The following HEATR5A variants were observed in gnomAD, a reference collection of about 807,000 sequenced individuals.
HEATR5A encodes the protein HEAT repeat-containing protein 5A.
HEATR5A carries 178 observed loss-of-function variants against 218.8 expected under a neutral mutation model. The observed-to-expected ratio is 0.81, with a 90% CI of 0.72 to 0.92. The LOEUF (loss-of-function observed/expected upper bound fraction) is 0.92, where lower values mean the gene tolerates loss of function less well. Ranked by LOEUF, HEATR5A falls within the 40% of genes least tolerant of loss-of-function variation. The pLI, the probability that HEATR5A is intolerant of heterozygous loss-of-function variation, is 0.00. For missense variants in HEATR5A, 2,420 were observed against 2,418.9 expected, an observed-to-expected ratio of 1.00 and a Z score of -0.01; for synonymous variants, 864 against 871.6, an observed-to-expected ratio of 0.99 and a Z score of 0.15.
intron 13 of HEATR5A, among the ~76,000 whole-genome samples, chr14:31,369,632 A>AC (rs1901952082): frequency 2.0e-5 from 3 of 147,012 alleles, no homozygotes; most frequent in South Asian, 4.3e-4. Flanking sequence ...AAAAAAAAAA[A>AC]AAAACCCAAA....
intron 1 of HEATR5A, among the ~76,000 whole-genome samples, chr14:31,405,578 A>C (rs1419479870): frequency 6.6e-6 from 1 of 152,226 alleles, no homozygotes; most frequent in Non-Finnish European, 1.5e-5. Context: ...ACAATTAAGG[A>C]TACAGTTAAT....
rs1385436538 is a variant in HEATR5A, at chr14:31,321,656, G to A, written c.3812C>T (p.Ala1271Val). Reference sequence around the variant, plus strand: ...CATAAAAGCCATGCGAATTAAGTCAGCAAGATGCAGTACCAAAAAGTCATC... The same window carrying A: ...CATAAAAGCCATGCGAATTAAGTCAACAAGATGCAGTACCAAAAAGTCATC... ...SRNDFLVLHLADLIRMAFMAA... is the reference protein window; with the variant it reads ...SRNDFLVLHLVDLIRMAFMAA... Residue 1271 changes from alanine (A) to valine (V), a missense_variant, in exon 25 of 36, where the codon GCT (alanine) becomes GTT (valine). Ala to Val is a moderately conservative substitution (Grantham distance 64). Coordinates refer to ENST00000543095, the MANE Select transcript of HEATR5A (RefSeq NM_015473.4). 1.9e-6 allele frequency: 3 copies of A among 1,604,946 alleles called. No homozygotes were observed. The Admixed American group carries it at 5.1e-5, about 27-fold the overall frequency.
Position 31,395,199 on chromosome 14 carries a change from C to G in HEATR5A, c.597G>C (p.Lys199Asn). ...AAGTCTGCTTATTAGATCATTTTAC[C>G]TTTGCAGCAGCACAACGAACAGCCA... ...RSMAVRCAAA[K>N]CLLELQNEAI... is the part of the protein sequence containing the mutation. Residue 199 changes from lysine to asparagine, a missense_variant and splice_region_variant, in exon 5 of 36, where the codon AAG becomes AAC. Lys to Asn is a moderately conservative substitution (Grantham distance 94). Coordinates refer to ENST00000543095, the MANE Select transcript of HEATR5A (RefSeq NM_015473.4). 6.7e-7 allele frequency: 1 copy of G among 1,500,506 alleles called. No homozygotes were observed. Among genetic ancestry groups the G allele is most frequent in the Non-Finnish European group, 8.9e-7 (1 of 1,128,972 alleles). 92.9% of individuals were successfully genotyped at this position (1,500,506 alleles called of 1,614,324 possible). A position where few individuals can be genotyped will look rare whatever the true frequency, so the allele number is the denominator to read the frequency against.
chr14:31,378,005 CTT>C lies in HEATR5A; in HGVS notation c.1708+2460_1708+2461del, dbSNP rs1162877490. Among the ~76,000 whole-genome samples the C allele has an allele frequency of 5.9e-5, 9 of 152,290 alleles. No individual in the cohort carries two copies. The East Asian group carries it at 1.3e-3, about 23-fold the overall frequency. ...ACACAATTAGCTTGTTTTAAAAGCT[CTT>C]GTTTATCAAAATGCATTTATTAGGT... On this transcript the variant is annotated intron_variant, in intron 11 of 35. Coordinates refer to ENST00000543095, the MANE Select transcript of HEATR5A (RefSeq NM_015473.4).
Position 31,315,813 on chromosome 14 carries a change from G to A in HEATR5A, c.4175C>T (p.Ala1392Val). The A allele has an allele frequency of 6.2e-7, 1 of 1,612,636 alleles. No individual in the cohort carries two copies. The highest frequency in any genetic ancestry group is 8.5e-7 in the Non-Finnish European group (1 of 1,179,216). ...CACAGCTAAGATCTCCATGGTAGAA[G>A]CACTTTCATTATATAAGTGACTTAG... Reference protein sequence around the residue: ...EALSHLYNESASTMEILAVLK... With the variant: ...EALSHLYNESVSTMEILAVLK... The change falls in exon 27 of 36, where the codon GCT (alanine) becomes GTT (valine). Residue 1392 changes from alanine to valine, a missense_variant. Transcript: ENST00000543095.
intron 14 of HEATR5A, among the ~76,000 whole-genome samples, chr14:31,360,636 A>G (rs1901586453): frequency 6.6e-6 from 1 of 152,250 alleles, no homozygotes; most frequent in Non-Finnish European, 1.5e-5. Context: ...TAAATACTGC[A>G]GGAATGAGTA....
At chr14:31,367,568 A>ATT (rs1901849994) in intron 13 of HEATR5A, among the ~76,000 whole-genome samples, 2 of 82,184 alleles carry the variant, frequency 2.4e-5, no homozygotes, top group East Asian at 9.6e-4. Context: ...ATGCCCAGCT[A>ATT]ATTTTTTTTT....
intron 4 of HEATR5A, among the ~76,000 whole-genome samples, 200 bp from the exon 5 acceptor site, chr14:31,395,548 T>C (rs1049904866): frequency 2.0e-5 from 3 of 152,188 alleles, no homozygotes; most frequent in Non-Finnish European, 2.9e-5. Context: ...ATTTTCAACA[T>C]GATACAAATT....
chr14:31,373,685 G>C (rs781625186), intron 12 of HEATR5A, among the ~76,000 whole-genome samples: 1 of 152,032 alleles, frequency 6.6e-6, no homozygotes, highest in Non-Finnish European at 1.5e-5. Flanking sequence ...TTCATATACA[G>C]GTGACCCTTG....
chr14:31,400,971 C>T lies in HEATR5A; in HGVS notation c.127-459G>A, dbSNP rs192164455. On this transcript the variant is annotated intron_variant, in intron 2 of 35. Coordinates refer to ENST00000543095, the MANE Select transcript of HEATR5A (RefSeq NM_015473.4). ...TCTCCTGGCTCAGCCTCCCGAGTAG[C>T]TGGGACTACAGGCGCCCGCCACCAT... Among the ~76,000 whole-genome samples the T allele has an allele frequency of 3.8e-3, 575 of 151,946 alleles. 1 individual carries two copies. Among genetic ancestry groups the T allele is most frequent in the Middle Eastern group, 0.014 (4 of 294 alleles).
At chr14:31,372,551 A>C (rs929375583) in intron 12 of HEATR5A, among the ~76,000 whole-genome samples, 6 of 152,220 alleles carry the variant, frequency 3.9e-5, no homozygotes, top group Non-Finnish European at 7.3e-5. Flanking sequence ...AGACTGGGCC[A>C]GGCGCAGTGG....
chr14:31,399,157 T>C (rs2030774759), intron 3 of HEATR5A, among the ~76,000 whole-genome samples: 1 of 152,248 alleles, frequency 6.6e-6, no homozygotes, highest in African/African-American at 2.4e-5. Context: ...GGACATACAG[T>C]TATACTGGCA....
chr14:31,398,715 A>G lies in HEATR5A; in HGVS notation c.405T>C (p.Thr135=). The change falls in exon 4 of 36, where the codon ACT becomes ACC. Residue 135 remains threonine, a synonymous_variant. Transcript: ENST00000543095. ...CTTTAAGAATATTCCCCACTGTATC[A>G]GTAAAGGTGTTACCCAGTATTCTAC... ...KLGRILGNTF[T]DTVGNILKAM... 6.5e-7 allele frequency: 1 copy of G among 1,532,192 alleles called. No homozygotes were observed. Among genetic ancestry groups the G allele is most frequent in the Non-Finnish European group, 8.7e-7 (1 of 1,143,014 alleles). The allele number at this position is 1,532,192 out of a possible 1,614,324, so 94.9% of individuals were successfully genotyped here. A position where few individuals can be genotyped will look rare whatever the true frequency, so the allele number is the denominator to read the frequency against.
chr14:31,402,874 C>A lies in HEATR5A; in HGVS notation c.102G>T (p.Glu34Asp). Reference protein sequence around the residue: ...EFIFEWLRYLEKLLLATSRND... With the variant: ...EFIFEWLRYLDKLLLATSRND... ...CCCTGCTGGTTGCCAACAAGAGCTTCTCCAAGTATCTCAACCACTCAAAAA... is the reference window on the plus strand; with the variant it reads ...CCCTGCTGGTTGCCAACAAGAGCTTATCCAAGTATCTCAACCACTCAAAAA... Residue 34 changes from glutamate (E) to aspartate (D), a missense_variant, in exon 2 of 36, where the codon GAG (glutamate) becomes GAT (aspartate). Glu to Asp is a conservative substitution (Grantham distance 45). Transcript: ENST00000543095. 6.5e-7 allele frequency: 1 copy of A among 1,536,564 alleles called. No homozygotes were observed. The highest frequency in any genetic ancestry group is 8.7e-7 in the Non-Finnish European group (1 of 1,146,948).
chr14:31,401,385 C>T (rs186792887), intron 2 of HEATR5A, among the ~76,000 whole-genome samples: 6 of 152,282 alleles, frequency 3.9e-5, no homozygotes, highest in East Asian at 1.9e-4. Context: ...ACTTTCCCTT[C>T]GCCTTCTCCC....
chr14:31,305,678 T>C (rs1377569647), intron 31 of HEATR5A, among the ~76,000 whole-genome samples: 1 of 152,192 alleles, frequency 6.6e-6, no homozygotes, highest in African/African-American at 2.4e-5. Flanking sequence ...TCAAAAGAAG[T>C]CTTTTTAATC....
chr14:31,410,808 T>TA (rs577903189), intron 1 of HEATR5A, among the ~76,000 whole-genome samples: 38 of 151,868 alleles, frequency 2.5e-4, no homozygotes, highest in Non-Finnish European at 3.8e-4. Flanking sequence ...AAAATTAGGC[T>TA]AAAAAAAATC....
Position 31,397,520 on chromosome 14 carries a change from G to A in HEATR5A, c.447+1153C>T, listed in dbSNP as rs149738961. On this transcript the variant is annotated intron_variant, in intron 4 of 35. Transcript: ENST00000543095. ...TAAAAATACAAAAAATTAGCTAGGC[G>A]TGGTGGCACGCGCCTGTAATCCCAG... Among the ~76,000 whole-genome samples the A allele has an allele frequency of 1.3e-4, 20 of 152,014 alleles. 1 individual carries two copies. The highest frequency in any genetic ancestry group is 3.9e-4 in the African/African-American group (16 of 41,476).
chr14:31,407,756 G>C (rs1448169215), intron 1 of HEATR5A, among the ~76,000 whole-genome samples: 1 of 152,022 alleles, frequency 6.6e-6, no homozygotes, highest in Non-Finnish European at 1.5e-5. Context: ...AGCCTCCCAA[G>C]TAGCTGGGAT....
Sources: gnomAD v4.1 joint callset for allele counts (sites outside exome capture counted in the v4.1 genomes callset) on GRCh38, gnomAD v4.1.1 for gene constraint, MANE v1.5 for transcripts, NCBI Gene and HGNC (gene_info 2026-07-23, HGNC 2026-07-21) for gene names.